The following LRMDA variants were observed in gnomAD, a reference collection of about 807,000 sequenced individuals.
The protein encoded by LRMDA is leucine-rich melanocyte differentiation-associated protein.
LRMDA carries 18 observed loss-of-function variants against 29.8 expected under a neutral mutation model. That is an observed-to-expected ratio of 0.60 (90% CI 0.42 to 0.90). The LOEUF (loss-of-function observed/expected upper bound fraction) is 0.90, where lower values mean the gene tolerates loss of function less well. Ranked by LOEUF, LRMDA falls within the 40% of genes least tolerant of loss-of-function variation. The pLI, the probability that LRMDA is intolerant of heterozygous loss-of-function variation, is 0.00. For missense variants in LRMDA, 273 were observed against 273.9 expected (o/e 1.00, Z 0.02); for synonymous variants, 125 against 109.4 (o/e 1.14, Z -0.89).
intron 2 of LRMDA, among the ~76,000 whole-genome samples, chr10:75,720,983 T>G (rs1842560036): frequency 6.6e-6 from 1 of 152,262 alleles, no homozygotes; most frequent in Non-Finnish European, 1.5e-5. Context: ...AGAATGACTC[T>G]GTTTTAACTA....
intron 2 of LRMDA, among the ~76,000 whole-genome samples, chr10:75,525,036 A>T (rs1845398271): frequency 6.6e-6 from 1 of 152,154 alleles, no homozygotes. Context: ...AGCCCTAGAG[A>T]TAATTTATTT....
chr10:75,496,740 C>T (rs1845048722), intron 2 of LRMDA, among the ~76,000 whole-genome samples: 2 of 152,156 alleles, frequency 1.3e-5, no homozygotes, highest in Non-Finnish European at 2.9e-5. Context: ...AAGAGGACTT[C>T]AAGCTGTACT....
At chr10:75,475,842 T>C (rs1337973794) in intron 2 of LRMDA, among the ~76,000 whole-genome samples, 1 of 152,168 alleles carries the variant, frequency 6.6e-6, no homozygotes, top group African/African-American at 2.4e-5. Flanking sequence ...AAATGATTTA[T>C]ACCACTTTTC....
chr10:76,120,497 T>C (rs1488930486), intron 5 of LRMDA, among the ~76,000 whole-genome samples: 1 of 152,148 alleles, frequency 6.6e-6, no homozygotes, highest in East Asian at 1.9e-4. Context: ...CAAGTATGTG[T>C]TGATTTTTAA....
At chr10:75,576,220 G>A (rs1362585006) in intron 2 of LRMDA, among the ~76,000 whole-genome samples, 1 of 152,184 alleles carries the variant, frequency 6.6e-6, no homozygotes. Context: ...TGAATAGGTG[G>A]TTTTGCCCTC....
chr10:75,618,376 C>CTATATA (rs1439743500), intron 2 of LRMDA, among the ~76,000 whole-genome samples: 3 of 69,200 alleles, frequency 4.3e-5, no homozygotes, highest in African/African-American at 1.5e-4. Context: ...CTCTCTCTCT[C>CTATATA]TCTCTCTATA....
chr10:75,969,318 A>G (rs1846923945), intron 2 of LRMDA, among the ~76,000 whole-genome samples: 1 of 152,222 alleles, frequency 6.6e-6, no homozygotes, highest in Admixed American at 6.5e-5. Flanking sequence ...TCGGTCCAGT[A>G]ATAATAACCT....
At chr10:76,394,965 C>T (rs922920669) in intron 6 of LRMDA, among the ~76,000 whole-genome samples, 2 of 152,146 alleles carry the variant, frequency 1.3e-5, no homozygotes, top group Non-Finnish European at 2.9e-5. Context: ...TGTGATCCCT[C>T]TCTTTTGTGC....
At chr10:75,697,130 A>T (rs1380003791) in intron 2 of LRMDA, among the ~76,000 whole-genome samples, 2 of 152,136 alleles carry the variant, frequency 1.3e-5, no homozygotes, top group Non-Finnish European at 2.9e-5. Context: ...CACCTCAAGG[A>T]GGTGAGATCA....
At chr10:76,383,651 C>T (rs1381627447) in intron 6 of LRMDA, among the ~76,000 whole-genome samples, 3 of 150,554 alleles carry the variant, frequency 2.0e-5, no homozygotes, top group African/African-American at 7.4e-5. Context: ...AGGATGGTCT[C>T]GATCTCCTGA....
chr10:75,572,811 A>G (rs1200670357), intron 2 of LRMDA, among the ~76,000 whole-genome samples: 1 of 152,204 alleles, frequency 6.6e-6, no homozygotes, highest in Non-Finnish European at 1.5e-5. Flanking sequence ...AGATGAGGCC[A>G]TAACGGTGGA....
At chr10:76,322,101 A>ACTCAATATACGATGGGTGTACTGCCTC (rs1840778530) in intron 5 of LRMDA, among the ~76,000 whole-genome samples, 1 of 152,186 alleles carries the variant, frequency 6.6e-6, no homozygotes, top group East Asian at 1.9e-4. Flanking sequence ...ATTACTGCAT[A>ACTCAATATACGATGGGTGTACTGCCTC]CTCAATATAC....
At chr10:75,875,623 G>A (rs1323380423) in intron 2 of LRMDA, among the ~76,000 whole-genome samples, 1 of 152,106 alleles carries the variant, frequency 6.6e-6, no homozygotes, top group African/African-American at 2.4e-5. Context: ...GTAGAGACGG[G>A]GTTTCACTAT....
intron 5 of LRMDA, among the ~76,000 whole-genome samples, chr10:76,321,879 C>T (rs781385250): frequency 1.3e-5 from 2 of 152,038 alleles, no homozygotes; most frequent in Non-Finnish European, 2.9e-5. Context: ...AGGGAGGCAG[C>T]GGTTGCAGTG....
At chr10:75,588,629 C>T (rs1840684448) in intron 2 of LRMDA, among the ~76,000 whole-genome samples, 1 of 152,030 alleles carries the variant, frequency 6.6e-6, no homozygotes, top group Non-Finnish European at 1.5e-5. Flanking sequence ...TATTGTTTAT[C>T]AGTTTCATTT....
At chr10:76,078,152 A>G (rs1848990925) in intron 5 of LRMDA, among the ~76,000 whole-genome samples, 1 of 151,532 alleles carries the variant, frequency 6.6e-6, no homozygotes, top group South Asian at 2.1e-4. Context: ...CTGGGACTAC[A>G]GGCGTCCACC....
At chr10:76,467,242 A>G (rs1416172273) in intron 6 of LRMDA, among the ~76,000 whole-genome samples, 2 of 152,214 alleles carry the variant, frequency 1.3e-5, no homozygotes, top group African/African-American at 4.8e-5. Flanking sequence ...ACAATGTACT[A>G]GAACATGGGG....
chr10:76,325,424 T>C (rs1840822170), intron 6 of LRMDA, among the ~76,000 whole-genome samples: 1 of 152,238 alleles, frequency 6.6e-6, no homozygotes, highest in African/African-American at 2.4e-5. Flanking sequence ...TATACTTTAG[T>C]TAATTTTGTG....
intron 6 of LRMDA, among the ~76,000 whole-genome samples, chr10:76,384,221 G>T (rs1841632542): frequency 6.6e-6 from 1 of 152,144 alleles, no homozygotes; most frequent in African/African-American, 2.4e-5. Flanking sequence ...TAAAAAACAT[G>T]CTTGGATCAA....
Sources: gnomAD v4.1 joint callset for allele counts (sites outside exome capture counted in the v4.1 genomes callset) on GRCh38, gnomAD v4.1.1 for gene constraint, MANE v1.5 for transcripts, NCBI Gene and HGNC (gene_info 2026-07-23, HGNC 2026-07-21) for gene names.